Variants in DLGAP3 observed in about 807,000 individuals in gnomAD.
DLGAP3 encodes DLG associated protein 3.
Under a neutral mutation model 81.2 loss-of-function variants are expected in DLGAP3, and 17 were observed. That is an observed-to-expected ratio of 0.21 (90% CI 0.14 to 0.31). The LOEUF is 0.31. Among genes scored for constraint, DLGAP3 ranks in the 10% least tolerant of loss-of-function variants. DLGAP3 has a pLI of 1.00. For synonymous variants in DLGAP3, 577 were observed against 587.4 expected (o/e 0.98, Z 0.26); for missense variants, 1,124 against 1,388.0 (o/e 0.81, Z 3.02).
chr1:34,906,081 T>C (rs1226631075), intron 2 of DLGAP3, among the ~76,000 whole-genome samples: 1 of 143,598 alleles, frequency 7.0e-6, no homozygotes, highest in African/African-American at 2.5e-5. Context: ...TATTTATAAA[T>C]GCATATATAT....
intron 1 of DLGAP3, among the ~76,000 whole-genome samples, chr1:34,926,143 T>C (rs967778638): frequency 2.0e-5 from 3 of 152,172 alleles, no homozygotes; most frequent in South Asian, 4.1e-4. Context: ...ACCATATGTG[T>C]AAACCAGCTT....
intron 1 of DLGAP3, among the ~76,000 whole-genome samples, chr1:34,919,715 G>A (rs1639769922): frequency 6.6e-6 from 1 of 152,204 alleles, no homozygotes; most frequent in African/African-American, 2.4e-5. Flanking sequence ...AGGAGGCAGA[G>A]GTTGCAGTAA....
chr1:34,878,002 C>T (rs1431614480), intron 8 of DLGAP3, among the ~76,000 whole-genome samples: 1 of 152,120 alleles, frequency 6.6e-6, no homozygotes, highest in East Asian at 1.9e-4. Context: ...AGCTATAAAT[C>T]GCTTATAAGC....
At position 34,904,934 on chromosome 1, in the gene DLGAP3, G is replaced by A. The variant is rs200550216; in HGVS notation, c.450C>T (p.Pro150=). ...CAGTGCCCGTCCCTGGCGCTGGCCC[G>A]GGCCCTGCCCCTGCTGGCCCTCGCT... is the stretch of plus-strand genomic sequence containing the variant. ...PYQRGPAGAG[P]GPAPGTGTAP... The change falls in exon 3 of 12, where the codon CCC becomes CCT. Residue 150 remains proline (P), a synonymous_variant. Transcript: ENST00000373347. The surrounding 1 kb of genome is among the most constrained non-coding windows in gnomAD (Gnocchi z 8.1). 1.7e-4 allele frequency: 274 copies of A among 1,612,310 alleles called. 1 individual carries two copies. Among genetic ancestry groups the A allele is most frequent in the Admixed American group, 2.7e-4 (16 of 59,994 alleles).
At chr1:34,893,178 C>A (rs1293977145) in intron 5 of DLGAP3, among the ~76,000 whole-genome samples, 426 of 84,648 alleles carry the variant, frequency 5.0e-3, no homozygotes, top group African/African-American at 0.013. Flanking sequence ...GACTCCGTCT[C>A]AAAAAAAAAA....
At chr1:34,924,650 C>G (rs1420557233) in intron 1 of DLGAP3, among the ~76,000 whole-genome samples, 3 of 152,116 alleles carry the variant, frequency 2.0e-5, no homozygotes, top group African/African-American at 7.2e-5. Flanking sequence ...ATCAATATCT[C>G]TGAGCTTGTT....
At chr1:34,921,178 C>G (rs768472915) in intron 1 of DLGAP3, among the ~76,000 whole-genome samples, 1 of 152,182 alleles carries the variant, frequency 6.6e-6, no homozygotes, top group Non-Finnish European at 1.5e-5. Context: ...ACGTAGCACT[C>G]ACGTTGCTCA....
At position 34,906,016 on chromosome 1, in the gene DLGAP3, T is replaced by TTATATATATATATATA. The variant is rs150603784; in HGVS notation, c.-51-598_-51-583dup. ...ACAGAGCGAGACCTGGCCTCTAAATTTATATATATATATATATTTGTTTGT... is the reference window on the plus strand; with the variant it reads ...ACAGAGCGAGACCTGGCCTCTAAATTTATATATATATATATATATATATATATATATATTTGTTTGT... On this transcript the variant is annotated intron_variant, in intron 2 of 11. Coordinates refer to ENST00000373347, the MANE Select transcript of DLGAP3 (RefSeq NM_001080418.3). 9.1e-3 allele frequency among the ~76,000 whole-genome samples: 591 copies of TTATATATATATATATA among 64,766 alleles called. 67 individuals carry two copies. The highest frequency in any genetic ancestry group is 0.024 in the East Asian group (21 of 870). The allele number at this position is 64,766 out of a possible 152,430, so 42.5% of individuals were successfully genotyped here.
In DLGAP3 at chr1:34,904,727, G is replaced by A. The variant is rs1283834741; in HGVS notation, c.657C>T (p.Pro219=). 1.9e-6 allele frequency: 3 copies of A among 1,612,764 alleles called. No homozygotes were observed. The highest frequency in any genetic ancestry group is 2.5e-6 in the Non-Finnish European group (3 of 1,180,018). Residue 219 remains proline (P), a synonymous_variant, in exon 3 of 12, where the codon CCC becomes CCT. Transcript: ENST00000373347. The surrounding 1 kb of genome is among the most constrained non-coding windows in gnomAD (Gnocchi z 8.1). ...DSYPGPGSGG[P]HTSHHHHHHH... ...GGTGATGGTGGTGATGGGAGGTGTG[G>A]GGGCCTCCAGAGCCCGGGCCGGGGT...
intron 2 of DLGAP3, 148 bp from the exon 3 acceptor site, chr1:34,905,582 G>T (rs551711954): frequency 6.3e-6 from 4 of 634,662 alleles, no homozygotes; most frequent in Middle Eastern, 4.2e-4. Flanking sequence ...GGACTAAAAA[G>T]TCCTTTAAAT....
At chr1:34,915,052 G>C (rs1310028862) in intron 1 of DLGAP3, among the ~76,000 whole-genome samples, 4 of 152,146 alleles carry the variant, frequency 2.6e-5, no homozygotes, top group Non-Finnish European at 5.9e-5. Flanking sequence ...TAACTCCAGG[G>C]ATCTGGAAGG....
intron 8 of DLGAP3, among the ~76,000 whole-genome samples, chr1:34,881,715 G>C (rs991513607): frequency 6.6e-6 from 1 of 151,998 alleles, no homozygotes; most frequent in Admixed American, 6.6e-5. Context: ...TTTATCCCAG[G>C]AATGAAAGAA....
At chr1:34,920,290 A>C (rs1639777930) in intron 1 of DLGAP3, among the ~76,000 whole-genome samples, 1 of 152,156 alleles carries the variant, frequency 6.6e-6, no homozygotes, top group South Asian at 2.1e-4. Flanking sequence ...GGGTGGAACC[A>C]CAGAGACCCC....
intron 5 of DLGAP3, among the ~76,000 whole-genome samples, chr1:34,893,195 A>T (rs911072324): frequency 6.6e-6 from 1 of 151,910 alleles, no homozygotes; most frequent in African/African-American, 2.4e-5. Flanking sequence ...AAAAAAAAAA[A>T]AAAACAATGA....
At position 34,929,090 on chromosome 1, in the gene DLGAP3, G is replaced by T. The variant is rs901021637; in HGVS notation, c.-135+361C>A. 6.6e-6 allele frequency among the ~76,000 whole-genome samples: 1 copy of T among 151,942 alleles called. No homozygotes were observed. Among genetic ancestry groups the T allele is most frequent in the African/African-American group, 2.4e-5 (1 of 41,392 alleles). On this transcript the variant is annotated intron_variant, in intron 1 of 11. Coordinates refer to ENST00000373347, the MANE Select transcript of DLGAP3 (RefSeq NM_001080418.3). The surrounding 1 kb of genome is among the most constrained non-coding windows in gnomAD (Gnocchi z 6.5). ...ACACCTGCAGAGGAAACTTCTCTCC[G>T]GATCTCCCCAGCACCACGACTTCCC... is the stretch of plus-strand genomic sequence containing the variant.
In DLGAP3 at chr1:34,905,147, C is replaced by T. The variant is rs369732674; in HGVS notation, c.237G>A (p.Gly79=). The T allele has an allele frequency of 5.4e-5, 85 of 1,568,584 alleles. No individual in the cohort carries two copies. The Middle Eastern group carries it at 8.5e-4, about 16-fold the overall frequency. The change falls in exon 3 of 12, where the codon GGG becomes GGA. Residue 79 remains glycine, a synonymous_variant. Coordinates refer to ENST00000373347, the MANE Select transcript of DLGAP3 (RefSeq NM_001080418.3). Reference sequence around the variant, plus strand: ...TGCTGCTACCCCCCCCAACCCCGGCCCCCGCTGGCCCTCCCTCAGGGCCTA... The same window carrying T: ...TGCTGCTACCCCCCCCAACCCCGGCTCCCGCTGGCCCTCCCTCAGGGCCTA... ...PSVGPEGGPA[G]AGVGGGSSTF...
At position 34,904,746 on chromosome 1, in the gene DLGAP3, C is replaced by T; in HGVS notation, c.638G>A (p.Gly213Asp). The T allele has an allele frequency of 6.2e-7, 1 of 1,611,864 alleles. No homozygotes were observed. The highest frequency in any genetic ancestry group is 8.5e-7 in the Non-Finnish European group (1 of 1,180,016). ...RGGSGGDSYP[G>D]PGSGGPHTSH... ...GGTGTGGGGGCCTCCAGAGCCCGGG[C>T]CGGGGTAGCTGTCTCCTCCAGAGCC... The change falls in exon 3 of 12, where the codon GGC (glycine) becomes GAC (aspartate). Residue 213 changes from glycine to aspartate, a missense_variant. By Grantham distance (94) the Gly-to-Asp change is moderately conservative. This residue lies in a region of DLGAP3 where 357 missense variants were observed against 408.8 expected (regional missense o/e 0.87). Transcript: ENST00000373347. This position sits in a 1 kb window ranked among gnomAD's most constrained non-coding sequence, Gnocchi z 8.1.
chr1:34,915,694 C>T (rs6686482), intron 1 of DLGAP3, among the ~76,000 whole-genome samples: 117,820 of 152,114 alleles, frequency 0.77, 47,295 homozygotes, highest in Non-Finnish European at 0.88. Context: ...AGGTTCACGT[C>T]GTGGCACCTC....
chr1:34,877,020 T>G (rs1639068707), intron 8 of DLGAP3, among the ~76,000 whole-genome samples: 1 of 152,220 alleles, frequency 6.6e-6, no homozygotes, highest in Non-Finnish European at 1.5e-5. Flanking sequence ...AAGGTGTTTT[T>G]GCTACAATGC....
Sources: gnomAD v4.1 joint callset for allele counts (sites outside exome capture counted in the v4.1 genomes callset) on GRCh38, gnomAD v4.1.1 for gene constraint, gnomAD v4.1.1 regional missense constraint, Gnocchi (gnomAD v3.1) non-coding constraint, MANE v1.5 for transcripts, NCBI Gene and HGNC (gene_info 2026-07-23, HGNC 2026-07-21) for gene names.